SAMD4B: variants seen among roughly 807,000 people sequenced by gnomAD.
The protein encoded by SAMD4B is sterile alpha motif domain containing 4B.
In SAMD4B, 5 loss-of-function variants were observed where a neutral mutation model predicts 74.5. The ratio of observed to expected loss-of-function variants is 0.07; its 90% CI spans 0.04 to 0.14. SAMD4B has a LOEUF of 0.14. SAMD4B is among the 10% of genes least tolerant of loss of function. SAMD4B has a pLI of 1.00. For synonymous variants in SAMD4B, 373 were observed against 374.9 expected (o/e 1.00, Z 0.06); for missense variants, 608 against 921.8 (o/e 0.66, Z 4.41).
intron 8 of SAMD4B, 55 bp downstream of exon 8, chr19:39,377,879 C>T (rs2077699486): frequency 6.7e-7 from 1 of 1,494,846 alleles, no homozygotes; most frequent in East Asian, 2.3e-5. Context: ...CAAGTGAACC[C>T]AAGCACCAGG....
intron 8 of SAMD4B, 60 bp downstream of exon 8, chr19:39,377,884 AC>A: frequency 6.8e-7 from 1 of 1,475,616 alleles, no homozygotes; most frequent in Non-Finnish European, 9.2e-7. Context: ...GAACCCAAGC[AC>A]CAGGGATCAA....
At position 39,375,371 on chromosome 19, in the gene SAMD4B, A is replaced by G. The variant is rs772011452; in HGVS notation, c.668-279A>G. Among the ~76,000 whole-genome samples the G allele has an allele frequency of 1.1e-4, 16 of 152,194 alleles. No individual in the cohort carries two copies. The highest frequency in any genetic ancestry group is 1.8e-4 in the Non-Finnish European group (12 of 68,030). On this transcript the variant is annotated intron_variant, in intron 4 of 13. Transcript: ENST00000610417. This position sits in a 1 kb window ranked among gnomAD's most constrained non-coding sequence, Gnocchi z 4.1. ...AGGCAAGAGTGAAGGCAGGAAACCA[A>G]TGAGGAGGCTGTGGCAGTAATTCCT...
At chr19:39,344,939 C>A (rs568430344) in intron 1 of SAMD4B, among the ~76,000 whole-genome samples, 1 of 152,182 alleles carries the variant, frequency 6.6e-6, no homozygotes, top group Non-Finnish European at 1.5e-5. Flanking sequence ...TTCCTTCTCC[C>A]CTTTGAGGAC....
intron 3 of SAMD4B, among the ~76,000 whole-genome samples, chr19:39,366,925 G>C (rs1440967648): frequency 6.6e-6 from 1 of 152,160 alleles, no homozygotes; most frequent in Non-Finnish European, 1.5e-5. Flanking sequence ...TTTGGCTTGT[G>C]CCTTTAGAAT....
chr19:39,380,704 C>T lies in SAMD4B; in HGVS notation c.1767C>T (p.Gly589=). 6.2e-7 allele frequency: 1 copy of T among 1,611,892 alleles called. No homozygotes were observed. Among genetic ancestry groups the T allele is most frequent in the Admixed American group, 1.7e-5 (1 of 59,848 alleles). ...PPRALPPGRM[G]LLSPSGIGGV... is the part of the protein sequence containing the mutation. ...GGGCCCTCCCACCCGGCCGGATGGG[C>T]CTCCTGAGCCCCTCGGGCATTGGGG... The change falls in exon 11 of 14, where the codon GGC becomes GGT. Residue 589 remains glycine, a synonymous_variant. Coordinates refer to ENST00000610417, the MANE Select transcript of SAMD4B (RefSeq NM_001384574.2).
intron 1 of SAMD4B, among the ~76,000 whole-genome samples, chr19:39,343,521 C>G (rs187227835): frequency 6.7e-6 from 1 of 149,964 alleles, no homozygotes; most frequent in Non-Finnish European, 1.5e-5. Flanking sequence ...CTTCACGTAT[C>G]CCTCTGGACC....
downstream of SAMD4B, chr19:39,386,267 G>A (rs34005092): frequency 1.1e-4 from 170 of 1,613,938 alleles, 3 homozygotes; most frequent in East Asian, 6.9e-4. This position sits in a 1 kb window ranked among gnomAD's most constrained non-coding sequence, Gnocchi z 6.1. Context: ...CCTCATCCTC[G>A]CTGCTCTCGT....
chr19:39,390,438 T>C (rs2078355134), downstream of SAMD4B: 1 of 738,442 alleles, frequency 1.4e-6, no homozygotes, highest in Non-Finnish European at 2.3e-6. Flanking sequence ...AATGCTTTAA[T>C]GGAAGGAGAC....
chr19:39,366,773 A>G (rs1049150976), intron 3 of SAMD4B, among the ~76,000 whole-genome samples: 1 of 152,040 alleles, frequency 6.6e-6, no homozygotes, highest in African/African-American at 2.4e-5. Context: ...TTTTTTTTTA[A>G]GTCAATCCTG....
chr19:39,370,323 CTT>C (rs2077214778), intron 4 of SAMD4B, among the ~76,000 whole-genome samples, 198 bp downstream of exon 4: 1 of 152,160 alleles, frequency 6.6e-6, no homozygotes, highest in South Asian at 2.1e-4. Context: ...TGAACCCATA[CTT>C]TGGTTTGGTT....
At chr19:39,353,210 C>G (rs1284817929) in intron 1 of SAMD4B, among the ~76,000 whole-genome samples, 1 of 152,168 alleles carries the variant, frequency 6.6e-6, no homozygotes, top group Non-Finnish European at 1.5e-5. Flanking sequence ...ACCCTGCATC[C>G]AGGGCAAACA....
chr19:39,385,764 T>C (rs547032185), downstream of SAMD4B: 66 of 629,140 alleles, frequency 1.0e-4, no homozygotes, highest in African/African-American at 1.1e-3. Flanking sequence ...CCTGTGTTTC[T>C]AAGCCTCAAG....
In SAMD4B at chr19:39,385,644, C is replaced by T; in HGVS notation, c.*2117C>T. On this transcript the variant is annotated 3_prime_UTR_variant, in exon 14 of 14. Coordinates refer to ENST00000610417, the MANE Select transcript of SAMD4B (RefSeq NM_001384574.2). Reference sequence around the variant, plus strand: ...AGAAGACTTATTTGTTGGAGTTTCACTTGTTTAATGGTCTGGGCTTATTTT... The same window carrying T: ...AGAAGACTTATTTGTTGGAGTTTCATTTGTTTAATGGTCTGGGCTTATTTT... 1 of 509,898 alleles carries T rather than the reference C, an allele frequency of 2.0e-6. No homozygotes were observed. The highest frequency in any genetic ancestry group is 3.4e-6 in the Non-Finnish European group (1 of 291,858). The allele number at this position is 509,898 out of a possible 1,614,324, so 31.6% of individuals were successfully genotyped here.
chr19:39,342,442 A>ACGGCGG lies in SAMD4B; in HGVS notation c.-382_-377dup, dbSNP rs920214608. ...ACGCACGGCGCGGTGACGCAGCGCG[A>ACGGCGG]CGGCGGCGGCGGCGGCGGCGGCGGT... On this transcript the variant is annotated 5_prime_UTR_variant, in exon 1 of 14. Transcript: ENST00000610417. The ACGGCGG allele has an allele frequency of 1.7e-4, 30 of 177,682 alleles. No homozygotes were observed. Among genetic ancestry groups the ACGGCGG allele is most frequent in the Non-Finnish European group, 2.6e-4 (23 of 88,618 alleles). 11.0% of individuals were successfully genotyped at this position (177,682 alleles called of 1,614,324 possible). A position where few individuals can be genotyped will look rare whatever the true frequency, so the allele number is the denominator to read the frequency against.
In SAMD4B at chr19:39,356,856, C is replaced by T. The variant is rs1360284294; in HGVS notation, c.-38C>T. On this transcript the variant is annotated 5_prime_UTR_variant, in exon 3 of 14. Transcript: ENST00000610417. The stretch of plus-strand genomic sequence containing the variant: ...ACCATGTGACGGCGCTGGCCCTCGC[C>T]ACCGCCGTCCCCCGACCCTGGCCCC... 2 of 1,561,616 alleles carry T rather than the reference C, an allele frequency of 1.3e-6. No individual in the cohort carries two copies. Among genetic ancestry groups the T allele is most frequent in the Non-Finnish European group, 1.7e-6 (2 of 1,147,468 alleles).
chr19:39,383,537 C>T lies in SAMD4B; in HGVS notation c.*10C>T, dbSNP rs1359791731. Reference sequence around the variant, plus strand: ...AACCTCCACCATCTGACGGGACCCACAGCCCAGCGCACCCATAGGCTCCCT... The same window carrying T: ...AACCTCCACCATCTGACGGGACCCATAGCCCAGCGCACCCATAGGCTCCCT... On this transcript the variant is annotated 3_prime_UTR_variant, in exon 14 of 14. Coordinates refer to ENST00000610417, the MANE Select transcript of SAMD4B (RefSeq NM_001384574.2). This position sits in a 1 kb window ranked among gnomAD's most constrained non-coding sequence, Gnocchi z 4.1. 1 of 1,614,290 alleles carries T rather than the reference C, an allele frequency of 6.2e-7. No individual in the cohort carries two copies. Among genetic ancestry groups the T allele is most frequent in the Non-Finnish European group, 8.5e-7 (1 of 1,180,056 alleles).
chr19:39,361,214 C>T (rs976585006), intron 3 of SAMD4B, among the ~76,000 whole-genome samples: 2 of 152,118 alleles, frequency 1.3e-5, no homozygotes, highest in Admixed American at 1.3e-4. Flanking sequence ...TAATATTTAG[C>T]GGGATGGACC....
At chr19:39,360,856 C>G (rs1274910386) in intron 3 of SAMD4B, among the ~76,000 whole-genome samples, 1 of 152,150 alleles carries the variant, frequency 6.6e-6, no homozygotes, top group Non-Finnish European at 1.5e-5. Flanking sequence ...CATAGACCTA[C>G]TAAATCAGAA....
At chr19:39,382,446 T>C (rs1395218275) in intron 12 of SAMD4B, among the ~76,000 whole-genome samples, 1 of 152,184 alleles carries the variant, frequency 6.6e-6, no homozygotes, top group Non-Finnish European at 1.5e-5. Context: ...AAAATTCTTT[T>C]TTTTAAGGAG....
Sources: allele counts gnomAD v4.1 joint callset (sites outside exome capture counted in the v4.1 genomes callset), GRCh38; gene constraint gnomAD v4.1.1; non-coding constraint Gnocchi (gnomAD v3.1); transcripts MANE v1.5; gene names NCBI Gene and HGNC (gene_info 2026-07-23, HGNC 2026-07-21).